Variants in NTNG1 observed in about 807,000 individuals in gnomAD.
NTNG1 encodes netrin G1.
NTNG1 carries 16 observed loss-of-function variants against 54.0 expected under a neutral mutation model. That is an observed-to-expected ratio of 0.30 (90% CI 0.20 to 0.45). The LOEUF (loss-of-function observed/expected upper bound fraction) is 0.45, where lower values mean the gene tolerates loss of function less well. Among genes scored for constraint, NTNG1 ranks in the 20% least tolerant of loss-of-function variants. The probability of loss-of-function intolerance (pLI) is 1.00; values close to 1 mark genes in which losing one functional copy is unlikely to be tolerated. For missense variants in NTNG1, 530 were observed against 678.7 expected (o/e 0.78, Z 2.43); for synonymous variants, 255 against 263.1 (o/e 0.97, Z 0.30).
intron 2 of NTNG1, among the ~76,000 whole-genome samples, chr1:107,274,656 A>G (rs1396114677): frequency 6.6e-6 from 1 of 152,216 alleles, no homozygotes; most frequent in African/African-American, 2.4e-5. Flanking sequence ...AGACTCGAAC[A>G]TATTCTGCTA....
intron 5 of NTNG1, among the ~76,000 whole-genome samples, chr1:107,424,693 A>T (rs1674784848): frequency 6.6e-6 from 1 of 152,106 alleles, no homozygotes; most frequent in Admixed American, 6.6e-5. Context: ...AAGTTTAGGA[A>T]GGCAACCCAA....
chr1:107,392,364 A>T (rs1011062796), intron 3 of NTNG1, among the ~76,000 whole-genome samples: 1 of 151,986 alleles, frequency 6.6e-6, no homozygotes, highest in Non-Finnish European at 1.5e-5. Flanking sequence ...AATGCGAAGG[A>T]AGTTAAGGAG....
chr1:107,141,591 G>C (rs894464643), intron 1 of NTNG1: 5 of 151,824 alleles, frequency 3.3e-5, no homozygotes, highest in African/African-American at 1.2e-4. Context: ...GGAAGGCTCC[G>C]GGTGGGCGAG....
chr1:107,184,711 C>A (rs916059564), intron 2 of NTNG1, among the ~76,000 whole-genome samples: 1 of 152,116 alleles, frequency 6.6e-6, no homozygotes. Context: ...TTCATGAGTG[C>A]CTGTTGTTTT....
intron 2 of NTNG1, among the ~76,000 whole-genome samples, chr1:107,242,127 A>G (rs1218220586): frequency 6.6e-6 from 1 of 151,818 alleles, no homozygotes. Context: ...TACAAGCATT[A>G]TCTGAGCGTG....
chr1:107,445,993 A>G (rs1242709907), intron 7 of NTNG1, among the ~76,000 whole-genome samples: 1 of 152,164 alleles, frequency 6.6e-6, no homozygotes, highest in African/African-American at 2.4e-5. Context: ...TTTGGCTTGC[A>G]GATCATAGTT....
At chr1:107,231,997 G>GA (rs1368074443) in intron 2 of NTNG1, among the ~76,000 whole-genome samples, 7 of 152,124 alleles carry the variant, frequency 4.6e-5, no homozygotes, top group African/African-American at 1.4e-4. Flanking sequence ...AAAGAATAAT[G>GA]AAGGCCTCTT....
At chr1:107,190,109 G>A (rs145552427) in intron 2 of NTNG1, among the ~76,000 whole-genome samples, 1 of 152,244 alleles carries the variant, frequency 6.6e-6, no homozygotes, top group African/African-American at 2.4e-5. Flanking sequence ...CTCCAGAGTA[G>A]TAAAATCCTA....
chr1:107,255,497 C>T (rs995820693), intron 2 of NTNG1, among the ~76,000 whole-genome samples: 4 of 152,092 alleles, frequency 2.6e-5, no homozygotes, highest in African/African-American at 4.8e-5. Context: ...ATATTTAAGG[C>T]CTTTTTGATT....
At chr1:107,442,066 C>T (rs988159817) in intron 7 of NTNG1, among the ~76,000 whole-genome samples, 2 of 152,080 alleles carry the variant, frequency 1.3e-5, no homozygotes, top group Admixed American at 6.6e-5. Context: ...AACATTCTAT[C>T]TTCCAAAATG....
At chr1:107,177,583 T>C (rs899582087) in intron 2 of NTNG1, among the ~76,000 whole-genome samples, 4 of 152,146 alleles carry the variant, frequency 2.6e-5, no homozygotes, top group African/African-American at 9.7e-5. Context: ...TCCGCCTGCC[T>C]CAGCCTCCCA....
chr1:107,264,904 A>G (rs1663630279), intron 2 of NTNG1, among the ~76,000 whole-genome samples: 2 of 152,206 alleles, frequency 1.3e-5, no homozygotes, highest in Admixed American at 1.3e-4. Flanking sequence ...TCAAATATGC[A>G]GGAAGGATGT....
chr1:107,153,994 A>T lies in NTNG1; in HGVS notation c.246+5155A>T, dbSNP rs577031042. ...TCTTTGTTGAGCTAATGCCTCACAA[A>T]CATTACTGCAAACCATTGTTTGCAG... On this transcript the variant is annotated intron_variant, in intron 2 of 7. Coordinates refer to ENST00000370068, the MANE Select transcript of NTNG1 (RefSeq NM_001113226.3). Among the ~76,000 whole-genome samples the T allele has an allele frequency of 2.2e-4, 34 of 152,330 alleles. 1 individual carries two copies. Among genetic ancestry groups the T allele is most frequent in the Admixed American group, 2.2e-3 (34 of 15,300 alleles).
intron 7 of NTNG1, among the ~76,000 whole-genome samples, chr1:107,456,910 A>G (rs1676989692): frequency 6.6e-6 from 1 of 152,240 alleles, no homozygotes; most frequent in Admixed American, 6.5e-5. Flanking sequence ...ATGGAATTAT[A>G]TATTTGGAGT....
At chr1:107,230,350 G>C (rs1453993981) in intron 2 of NTNG1, among the ~76,000 whole-genome samples, 1 of 152,120 alleles carries the variant, frequency 6.6e-6, no homozygotes, top group Non-Finnish European at 1.5e-5. Context: ...TCAGTCCATT[G>C]ATGGGCAGTC....
chr1:107,329,477 C>T (rs7512597), intron 3 of NTNG1, among the ~76,000 whole-genome samples: 116,736 of 152,204 alleles, frequency 0.77, 47,070 homozygotes, highest in Non-Finnish European at 0.9. Context: ...TGATGTCAGG[C>T]AAGCAAGAAC....
intron 2 of NTNG1, among the ~76,000 whole-genome samples, chr1:107,237,343 TGTTA>T (rs1344747557): frequency 1.3e-5 from 2 of 152,142 alleles, no homozygotes; most frequent in Admixed American, 1.3e-4. Flanking sequence ...ACCTGGGTGT[TGTTA>T]AAGGCATTCG....
intron 2 of NTNG1, among the ~76,000 whole-genome samples, chr1:107,192,141 G>C (rs192923226): frequency 0.018 from 2,794 of 152,046 alleles, 43 homozygotes; most frequent in Non-Finnish European, 0.027. Flanking sequence ...AGAGGTCCTT[G>C]ACATCCCTTG....
intron 7 of NTNG1, chr1:107,460,557 G>T (rs1677221159): frequency 2.5e-6 from 1 of 405,610 alleles, no homozygotes; most frequent in Admixed American, 2.8e-5. Context: ...CAACTTGGCT[G>T]CACTGCTGGG....
Sources: gnomAD v4.1 joint callset for allele counts (sites outside exome capture counted in the v4.1 genomes callset) on GRCh38, gnomAD v4.1.1 for gene constraint, MANE v1.5 for transcripts, NCBI Gene and HGNC (gene_info 2026-07-23, HGNC 2026-07-21) for gene names.